Variants in CFAP54 observed in about 807,000 individuals in gnomAD.
The protein encoded by CFAP54 is cilia- and flagella-associated protein 54.
CFAP54 carries 290 observed loss-of-function variants against 370.4 expected under a neutral mutation model. That is an observed-to-expected ratio of 0.78 (90% CI 0.71 to 0.86). The LOEUF (loss-of-function observed/expected upper bound fraction) is 0.86. Ranked by LOEUF, CFAP54 falls within the 40% of genes least tolerant of loss-of-function variation. CFAP54 has a pLI of 0.00. For missense variants in CFAP54, 3,399 were observed against 3,528.7 expected (o/e 0.96, Z 0.93); for synonymous variants, 1,206 against 1,236.5 (o/e 0.98, Z 0.52).
intron 1 of CFAP54, among the ~76,000 whole-genome samples, chr12:96,499,616 T>A (rs544819977): frequency 2.6e-5 from 4 of 152,318 alleles, no homozygotes; most frequent in Non-Finnish European, 5.9e-5. Context: ...CCTTGGTATT[T>A]ACCCAAAGGA....
intron 55 of CFAP54, among the ~76,000 whole-genome samples, chr12:96,752,088 G>GAGAC (rs1958191236): frequency 3.2e-5 from 2 of 61,990 alleles, no homozygotes; most frequent in African/African-American, 1.7e-4. Flanking sequence ...TCCTGGATGA[G>GAGAC]AGAGAGAGAG....
intron 66 of CFAP54, among the ~76,000 whole-genome samples, chr12:96,858,459 T>C (rs1346693021): frequency 6.6e-6 from 1 of 152,242 alleles, no homozygotes; most frequent in African/African-American, 2.4e-5. Context: ...TTTACTCTTA[T>C]AGTTTCTTTT....
At chr12:96,762,130 TC>T (rs760812417) in intron 58 of CFAP54, among the ~76,000 whole-genome samples, 2 of 152,222 alleles carry the variant, frequency 1.3e-5, no homozygotes, top group African/African-American at 2.4e-5. Flanking sequence ...CAAAGTTTTG[TC>T]TTTTTAGTGT....
chr12:96,850,216 T>TAAA (rs35493066), intron 66 of CFAP54, among the ~76,000 whole-genome samples: 3 of 101,114 alleles, frequency 3.0e-5, no homozygotes, highest in Non-Finnish European at 5.9e-5. Context: ...CTGTCTCTAC[T>TAAA]AAAAAAAAAA....
chr12:96,777,777 A>G (rs1958534681), intron 60 of CFAP54, among the ~76,000 whole-genome samples: 1 of 152,156 alleles, frequency 6.6e-6, no homozygotes, highest in Non-Finnish European at 1.5e-5. Flanking sequence ...CATTTCTGCT[A>G]AGGCACTGGC....
chr12:96,859,594 A>G (rs1592816683), intron 66 of CFAP54, among the ~76,000 whole-genome samples: 1 of 151,890 alleles, frequency 6.6e-6, no homozygotes, highest in Non-Finnish European at 1.5e-5. Flanking sequence ...TTTAGTAGAG[A>G]CGGGGTTTCA....
chr12:96,578,605 T>A (rs1400035670), intron 20 of CFAP54, among the ~76,000 whole-genome samples: 3 of 152,208 alleles, frequency 2.0e-5, no homozygotes, highest in African/African-American at 7.2e-5. Flanking sequence ...AAGAGTCTCA[T>A]ATTTGGCCTA....
At chr12:96,794,344 T>A (rs1401063898) in intron 63 of CFAP54, among the ~76,000 whole-genome samples, 1 of 152,190 alleles carries the variant, frequency 6.6e-6, no homozygotes, top group Admixed American at 6.5e-5. Flanking sequence ...TCCAAACTTT[T>A]AGATTTCTCT....
chr12:96,686,633 G>A (rs906341961), intron 42 of CFAP54, among the ~76,000 whole-genome samples: 1 of 152,100 alleles, frequency 6.6e-6, no homozygotes, highest in Non-Finnish European at 1.5e-5. Context: ...ACAACCAGAT[G>A]TGATGTGAAC....
intron 66 of CFAP54, among the ~76,000 whole-genome samples, chr12:96,855,040 C>G (rs1376808546): frequency 1.3e-5 from 2 of 152,088 alleles, no homozygotes; most frequent in Non-Finnish European, 2.9e-5. Context: ...GCAGAAGGGG[C>G]AGCAAACATG....
At chr12:96,565,423 C>T (rs960831648) in intron 19 of CFAP54, among the ~76,000 whole-genome samples, 4 of 151,962 alleles carry the variant, frequency 2.6e-5, no homozygotes, top group African/African-American at 9.7e-5. Flanking sequence ...TTGGTAGAGT[C>T]AGACCCTTAG....
At chr12:96,823,027 G>A (rs1959050008) in intron 65 of CFAP54, among the ~76,000 whole-genome samples, 1 of 152,140 alleles carries the variant, frequency 6.6e-6, no homozygotes, top group African/African-American at 2.4e-5. Flanking sequence ...AGGTAGAGTT[G>A]TAGAATCCTT....
chr12:96,565,609 A>C (rs533022049), intron 19 of CFAP54, among the ~76,000 whole-genome samples: 1 of 152,320 alleles, frequency 6.6e-6, no homozygotes, highest in Admixed American at 6.5e-5. Flanking sequence ...CAGAACAAAG[A>C]GAAATTGAAG....
chr12:96,726,509 A>T (rs1315312099), intron 50 of CFAP54, among the ~76,000 whole-genome samples: 1 of 152,082 alleles, frequency 6.6e-6, no homozygotes, highest in Admixed American at 6.5e-5. Flanking sequence ...TTTATGTGGG[A>T]TCGGTGGTGA....
At chr12:96,628,924 A>C (rs1956574028) in intron 30 of CFAP54, among the ~76,000 whole-genome samples, 1 of 96,736 alleles carries the variant, frequency 1.0e-5, no homozygotes, top group Admixed American at 1.1e-4. Flanking sequence ...AAGAAATATA[A>C]ATTCAAAAAA....
At chr12:96,735,654 G>T (rs766391105) in intron 50 of CFAP54, among the ~76,000 whole-genome samples, 176 of 152,270 alleles carry the variant, frequency 1.2e-3, no homozygotes, top group Middle Eastern at 3.4e-3. Context: ...ATGACCTGGG[G>T]ATAATATATC....
intron 12 of CFAP54, among the ~76,000 whole-genome samples, 174 bp downstream of exon 12, chr12:96,535,774 A>T (rs992392261): frequency 6.6e-6 from 1 of 152,102 alleles, no homozygotes; most frequent in Non-Finnish European, 1.5e-5. Context: ...GTTTCTTTTT[A>T]TTATTGTTGT....
Position 96,872,800 on chromosome 12 carries a change from T to C in CFAP54, c.*15-2318T>C, listed in dbSNP as rs181608343. Among the ~76,000 whole-genome samples, 44 of 152,228 alleles carry C rather than the reference T, an allele frequency of 2.9e-4. No individual in the cohort carries two copies. In the East Asian group the frequency reaches 8.5e-3, roughly 29 times the overall value. On this transcript the variant is annotated intron_variant, in intron 67 of 67. Transcript: ENST00000524981. ...AGGTAGAATTACTTGAGACAGGAGA[T>C]AGGGTCACAAATCTTCCCAGTTTTT... is the stretch of plus-strand genomic sequence containing the variant.
chr12:96,828,933 G>A (rs958506094), intron 65 of CFAP54, 81 bp from the exon 66 acceptor site: 4 of 697,572 alleles, frequency 5.7e-6, no homozygotes, highest in Non-Finnish European at 9.2e-6. Context: ...AAAGACAAAT[G>A]AAATAGTTTA....
Sources: gnomAD v4.1 joint callset for allele counts (sites outside exome capture counted in the v4.1 genomes callset) on GRCh38, gnomAD v4.1.1 for gene constraint, MANE v1.5 for transcripts, NCBI Gene and HGNC (gene_info 2026-07-23, HGNC 2026-07-21) for gene names.